The following CHAT variants were observed in gnomAD, a reference collection of about 807,000 sequenced individuals.
CHAT encodes acetyl CoA:choline O-acetyltransferase.
Under a neutral mutation model 76.9 loss-of-function variants are expected in CHAT, and 61 were observed. The ratio of observed to expected loss-of-function variants is 0.79; its 90% CI spans 0.65 to 0.98. The LOEUF (loss-of-function observed/expected upper bound fraction) is 0.98. Among genes scored for constraint, CHAT ranks in the 50% least tolerant of loss-of-function variants. The probability of loss-of-function intolerance (pLI) is 0.00; values close to 1 mark genes in which losing one functional copy is unlikely to be tolerated. For missense variants in CHAT, 946 were observed against 986.9 expected (o/e 0.96, Z 0.56); for synonymous variants, 407 against 397.4 (o/e 1.02, Z -0.29).
upstream of CHAT, chr10:49,610,353 G>C (rs1295586071): frequency 1.0e-5 from 2 of 200,564 alleles, no homozygotes; most frequent in Non-Finnish European, 2.0e-5. Flanking sequence ...CGGGGCTAAC[G>C]GGCGGGCAAG....
chr10:49,641,856 G>A (rs1030717522), intron 7 of CHAT, among the ~76,000 whole-genome samples: 1 of 152,210 alleles, frequency 6.6e-6, no homozygotes, highest in Non-Finnish European at 1.5e-5. Context: ...ATGTCCGGGG[G>A]TACTTGTGCA....
intron 10 of CHAT, 126 bp from the exon 11 acceptor site, chr10:49,651,757 GC>G: frequency 1.1e-6 from 1 of 919,280 alleles, no homozygotes; most frequent in South Asian, 1.6e-5. Flanking sequence ...CTCCTGAAGG[GC>G]AGGGACTACG....
At chr10:49,618,080 G>A (rs550356790) in intron 2 of CHAT, among the ~76,000 whole-genome samples, 1 of 152,316 alleles carries the variant, frequency 6.6e-6, no homozygotes, top group Non-Finnish European at 1.5e-5. Context: ...CCTGAAGGAA[G>A]GTGCCTCACT....
chr10:49,611,970 C>T (rs1167098481), upstream of CHAT: 16 of 1,613,186 alleles, frequency 9.9e-6, no homozygotes, highest in African/African-American at 1.3e-5. Context: ...TCCTGGTGGA[C>T]GTGCGCCATG....
chr10:49,665,226 T>C lies in CHAT; in HGVS notation c.*180T>C, dbSNP rs905561649. 6 of 703,552 alleles carry C rather than the reference T, an allele frequency of 8.5e-6. No individual in the cohort carries two copies. Among genetic ancestry groups the C allele is most frequent in the Non-Finnish European group, 4.9e-6 (2 of 408,838 alleles). The allele number at this position is 703,552 out of a possible 1,614,324, so 43.6% of individuals were successfully genotyped here. On this transcript the variant is annotated 3_prime_UTR_variant, in exon 15 of 15. Transcript: ENST00000337653. The stretch of plus-strand genomic sequence containing the variant: ...TTAGGAGGAAAGGGTCCCCTCTTCA[T>C]GCATGGGAATCATCATTTTCAAGGT...
At chr10:49,630,079 G>A (rs1564478568) in intron 7 of CHAT, among the ~76,000 whole-genome samples, 1 of 152,126 alleles carries the variant, frequency 6.6e-6, no homozygotes, top group African/African-American at 2.4e-5. Flanking sequence ...TGCCACACAT[G>A]TTGGGTTAGA....
At chr10:49,642,144 G>A (rs1271639305) in intron 7 of CHAT, among the ~76,000 whole-genome samples, 2 of 152,106 alleles carry the variant, frequency 1.3e-5, no homozygotes, top group Non-Finnish European at 2.9e-5. Context: ...AGATTGATTC[G>A]CCACTTTAAA....
chr10:49,627,285 T>G lies in CHAT; in HGVS notation c.934-323T>G, dbSNP rs546420468. On this transcript the variant is annotated intron_variant, in intron 6 of 14. Coordinates refer to ENST00000337653, the MANE Select transcript of CHAT (RefSeq NM_020549.5). Reference sequence around the variant, plus strand: ...ATTGCTTAGTCATAGGTATGCACATTTTTAGTTTTGATAGACACTGCCCTC... The same window carrying G: ...ATTGCTTAGTCATAGGTATGCACATGTTTAGTTTTGATAGACACTGCCCTC... Among the ~76,000 whole-genome samples, 30 of 152,374 alleles carry G rather than the reference T, an allele frequency of 2.0e-4. No individual in the cohort carries two copies. The South Asian group carries it at 2.3e-3, about 12-fold the overall frequency.
At chr10:49,639,774 A>G (rs915520409) in intron 7 of CHAT, among the ~76,000 whole-genome samples, 4 of 152,004 alleles carry the variant, frequency 2.6e-5, no homozygotes, top group African/African-American at 9.7e-5. Context: ...AAATTTGGGG[A>G]TGCGTTAGCC....
intron 7 of CHAT, among the ~76,000 whole-genome samples, chr10:49,629,150 C>G (rs78320195): frequency 2.0e-5 from 3 of 152,338 alleles, no homozygotes; most frequent in East Asian, 1.9e-4. Flanking sequence ...CCTTTCCCCC[C>G]ACCTCCTACC....
In CHAT at chr10:49,667,429, A is replaced by G. The variant is rs1417061725; in HGVS notation, c.*2383A>G. On this transcript the variant is annotated 3_prime_UTR_variant, in exon 15 of 15. Coordinates refer to ENST00000337653, the MANE Select transcript of CHAT (RefSeq NM_020549.5). ...AAGGTAACTCACTCTGTACATTCAG[A>G]TATCAAACTATGCACTGTGAGGGCT... Among the ~76,000 whole-genome samples the G allele has an allele frequency of 1.3e-5, 2 of 152,234 alleles. No homozygotes were observed. Among genetic ancestry groups the G allele is most frequent in the Non-Finnish European group, 2.9e-5 (2 of 68,046 alleles).
chr10:49,660,011 C>G (rs1275419270), intron 13 of CHAT, among the ~76,000 whole-genome samples: 3 of 152,162 alleles, frequency 2.0e-5, no homozygotes, highest in African/African-American at 7.2e-5. Flanking sequence ...GCTGTGAATA[C>G]TTGCTTAATT....
rs770945451 is a variant in CHAT at position 49,662,640 on chromosome 10, C to T, written c.1840-5C>T. Reference sequence around the variant, plus strand: ...ATCTCCTGTTCTTTGTCCCCAACTACACAGGCCATAACAGGGATGGCCATT... The same window carrying T: ...ATCTCCTGTTCTTTGTCCCCAACTATACAGGCCATAACAGGGATGGCCATT... On this transcript the variant is annotated splice_polypyrimidine_tract_variant and splice_region_variant and intron_variant, in intron 13 of 14. Coordinates refer to ENST00000337653, the MANE Select transcript of CHAT (RefSeq NM_020549.5). 6.2e-7 allele frequency: 1 copy of T among 1,614,110 alleles called. No individual in the cohort carries two copies. The highest frequency in any genetic ancestry group is 2.2e-5 in the East Asian group (1 of 44,882).
At position 49,614,409 on chromosome 10, in the gene CHAT, AC is replaced by A. The variant is rs1201170216; in HGVS notation, c.225del (p.Ala76ProfsTer124). 4 of 1,546,430 alleles carry A rather than the reference AC, an allele frequency of 2.6e-6. No homozygotes were observed. The highest frequency in any genetic ancestry group is 2.6e-6 in the Non-Finnish European group (3 of 1,146,216). Reference sequence around the variant, plus strand: ...ACGCCCCCCACCCCTTCCGGCTCACACCCCCGCCCACACTCCTGAGTGGTGC... The same window carrying A: ...ACGCCCCCCACCCCTTCCGGCTCACACCCCGCCCACACTCCTGAGTGGTGC... The part of the protein sequence containing the change: ...ATRPPPLPAH[T>X]PAHTPEWCGA... On this transcript the variant is annotated frameshift_variant, in exon 1 of 15. Transcript: ENST00000337653. LOFTEE classifies it high-confidence loss of function.
At chr10:49,650,455 A>T (rs1215166316) in intron 10 of CHAT, among the ~76,000 whole-genome samples, 1 of 152,184 alleles carries the variant, frequency 6.6e-6, no homozygotes, top group Non-Finnish European at 1.5e-5. Context: ...CCTTGTAGAG[A>T]CGGGCCTTGA....
At chr10:49,659,275 T>C (rs1382008443) in intron 13 of CHAT, among the ~76,000 whole-genome samples, 1 of 152,234 alleles carries the variant, frequency 6.6e-6, no homozygotes, top group Admixed American at 6.5e-5. Flanking sequence ...AAGATATTTT[T>C]AGACAGAGAA....
At chr10:49,613,081 G>A (rs192989891), upstream of CHAT, 1,133 of 152,288 alleles carry the variant, frequency 7.4e-3, 18 homozygotes, top group African/African-American at 0.026. Context: ...TGAGGTGCCT[G>A]GGCTGAGCTT....
chr10:49,624,147 C>T (rs563738819), intron 5 of CHAT, among the ~76,000 whole-genome samples: 2 of 152,316 alleles, frequency 1.3e-5, no homozygotes, highest in South Asian at 4.1e-4. Context: ...GGCCTCAGCC[C>T]CACTGGCTTC....
chr10:49,614,205 G>A lies in CHAT; in HGVS notation c.16G>A (p.Ala6Thr), dbSNP rs749073862. Residue 6 changes from alanine (A) to threonine (T), a missense_variant, in exon 1 of 15, where the codon GCG becomes ACG. By Grantham distance (58) the Ala-to-Thr change is moderately conservative. This residue lies in a region of CHAT where 548 missense variants were observed against 516.2 expected (regional missense o/e 1.06). Transcript: ENST00000337653. Reference sequence around the variant, plus strand: ...TGGGGAAGGGATGGGGCTGAGGACAGCGAAGAAGAGGGGGCTTGGGGGAGG... The same window carrying A: ...TGGGGAAGGGATGGGGCTGAGGACAACGAAGAAGAGGGGGCTTGGGGGAGG... MGLRT[A>T]KKRGLGGGGK... 7 of 1,526,772 alleles carry A rather than the reference G, an allele frequency of 4.6e-6. No individual in the cohort carries two copies. The Admixed American group carries it at 6.0e-5, about 13-fold the overall frequency. The allele number at this position is 1,526,772 out of a possible 1,614,324, so 94.6% of individuals were successfully genotyped here.
Sources: allele counts gnomAD v4.1 joint callset (sites outside exome capture counted in the v4.1 genomes callset), GRCh38; gene constraint gnomAD v4.1.1; regional missense constraint gnomAD v4.1.1; transcripts MANE v1.5; gene names NCBI Gene and HGNC (gene_info 2026-07-23, HGNC 2026-07-21).